Variants in SGO1 observed in about 807,000 individuals in gnomAD.
The protein encoded by SGO1 is serologically defined breast cancer antigen NY-BR-85.
SGO1 carries 39 observed loss-of-function variants against 50.5 expected under a neutral mutation model. The observed-to-expected ratio is 0.77, with a 90% CI of 0.60 to 1.01. The LOEUF (loss-of-function observed/expected upper bound fraction) is 1.01. Among genes scored for constraint, SGO1 ranks in the 50% least tolerant of loss-of-function variants. The pLI is 0.00. For synonymous variants in SGO1, 191 were observed against 205.1 expected, an observed-to-expected ratio of 0.93 and a Z score of 0.59; for missense variants, 638 against 606.0, an observed-to-expected ratio of 1.05 and a Z score of -0.55.
upstream of SGO1, chr3:20,186,247 C>A (rs1021199339): frequency 6.6e-6 from 1 of 152,284 alleles, no homozygotes; most frequent in Non-Finnish European, 1.5e-5. Flanking sequence ...GGCTGGGAGG[C>A]GGTCACGTGG....
intron 3 of SGO1, among the ~76,000 whole-genome samples, chr3:20,178,574 T>C (rs1701656499): frequency 6.6e-6 from 1 of 152,162 alleles, no homozygotes; most frequent in Admixed American, 6.5e-5. Context: ...GTACAAAATT[T>C]CAGATTGCGA....
chr3:20,170,752 C>T lies in SGO1; in HGVS notation c.1536G>A (p.Gln512=), dbSNP rs200039832. ...TTTTAGAACGTCTCAAATCCTTTTT[C>T]TGCTTGAAAATAGGAGAATTCAAAA... The part of the protein sequence containing the change: ...LCFLNSPIFK[Q]KKDLRRSKKS... Residue 512 remains glutamine, a synonymous_variant, in exon 8 of 8, where the codon CAG becomes CAA. Transcript: ENST00000412997. The T allele has an allele frequency of 3.5e-5, 56 of 1,592,848 alleles. No homozygotes were observed. The highest frequency in any genetic ancestry group is 4.5e-5 in the Non-Finnish European group (53 of 1,175,056).
intron 3 of SGO1, among the ~76,000 whole-genome samples, chr3:20,182,809 G>C (rs1365310097): frequency 1.3e-5 from 2 of 152,112 alleles, no homozygotes; most frequent in African/African-American, 4.8e-5. Context: ...ACGAGGTCAG[G>C]AGATCGAGAC....
intron 1 of SGO1, among the ~76,000 whole-genome samples, 152 bp downstream of exon 1, chr3:20,185,796 G>A (rs1028047448): frequency 6.6e-6 from 1 of 152,214 alleles, no homozygotes; most frequent in South Asian, 2.1e-4. Context: ...CTCCATGGAA[G>A]CCGGAACATC....
chr3:20,168,643 TG>T (rs1206879611), downstream of SGO1, among the ~76,000 whole-genome samples: 1 of 149,254 alleles, frequency 6.7e-6, no homozygotes, highest in Non-Finnish European at 1.5e-5. Context: ...ACTGAGAAAC[TG>T]TTTTTTTTTT....
rs1348635421 is a variant in SGO1 at position 20,174,394 on chromosome 3, A to C, written c.1137T>G (p.Asp379Glu). 3 of 1,614,182 alleles carry C rather than the reference A, an allele frequency of 1.9e-6. No individual in the cohort carries two copies. The highest frequency in any genetic ancestry group is 2.5e-6 in the Non-Finnish European group (3 of 1,180,034). ...CESSGSGDDS[D>E]DLYLPTCKYI... Reference sequence around the variant, plus strand: ...ACTTGCAAGTGGGCAAATAGAGGTCATCGGAATCATCTCCTGAACCACTTG... The same window carrying C: ...ACTTGCAAGTGGGCAAATAGAGGTCCTCGGAATCATCTCCTGAACCACTTG... Residue 379 changes from aspartate to glutamate, a missense_variant, in exon 6 of 8, where the codon GAT (aspartate) becomes GAG (glutamate). Physicochemically the swap from Asp to Glu is conservative, Grantham distance 45 (BLOSUM62 2). Transcript: ENST00000412997.
In SGO1 at chr3:20,184,690, TA is replaced by T. The variant is rs1702423787; in HGVS notation, c.-7-657del. Among the ~76,000 whole-genome samples the T allele has an allele frequency of 2.0e-5, 3 of 152,318 alleles. No homozygotes were observed. In the South Asian group the frequency reaches 6.2e-4, roughly 32 times the overall value. On this transcript the variant is annotated intron_variant, in intron 1 of 7. Coordinates refer to ENST00000412997, the MANE Select transcript of SGO1 (RefSeq NM_001199251.3). Reference sequence around the variant, plus strand: ...GAACTTGGGCAGAGGAACACTCTAGTATTCTCAAACTGTGGCTAAAAGTTAG... The same window carrying T: ...GAACTTGGGCAGAGGAACACTCTAGTTTCTCAAACTGTGGCTAAAAGTTAG...
chr3:20,166,365 G>A (rs977174289), downstream of SGO1, among the ~76,000 whole-genome samples: 10 of 152,118 alleles, frequency 6.6e-5, no homozygotes, highest in African/African-American at 2.4e-4. Context: ...GATGGATAAA[G>A]AAAATATGTA....
chr3:20,184,594 T>C (rs989129447), intron 1 of SGO1, among the ~76,000 whole-genome samples: 7 of 152,174 alleles, frequency 4.6e-5, no homozygotes, highest in Non-Finnish European at 4.4e-5. Context: ...AGGTACTCCT[T>C]AGAGGTTTAA....
chr3:20,175,320 A>G (rs1427631675), intron 5 of SGO1, among the ~76,000 whole-genome samples: 1 of 152,168 alleles, frequency 6.6e-6, no homozygotes, highest in African/African-American at 2.4e-5. Context: ...TGAAATCCAA[A>G]ACTTTTTTAG....
chr3:20,165,889 T>C (rs1012579457), downstream of SGO1, among the ~76,000 whole-genome samples: 2 of 152,012 alleles, frequency 1.3e-5, no homozygotes, highest in African/African-American at 4.8e-5. Context: ...CCGACTCTAC[T>C]AATAATACAA....
At chr3:20,181,952 G>A (rs779154968) in intron 3 of SGO1, among the ~76,000 whole-genome samples, 3 of 151,538 alleles carry the variant, frequency 2.0e-5, no homozygotes, top group Non-Finnish European at 4.4e-5. Flanking sequence ...GTGTGGTGGC[G>A]CATGCCTGTA....
At chr3:20,161,134 T>G (rs770256032) in exon 9 of SGO1, 1 of 1,613,890 alleles carries the variant, frequency 6.2e-7, no homozygotes, top group Non-Finnish European at 8.5e-7. Flanking sequence ...GTTTCAAGTT[T>G]ACATTTCCTA....
chr3:20,171,920 T>C lies in SGO1; in HGVS notation c.1283-688A>G, dbSNP rs116677263. ...TATTGGGAGGCAAATGTCCAACACA[T>C]AGTAAAGACACTGCAAAACAATCTC... On this transcript the variant is annotated intron_variant, in intron 6 of 7. Transcript: ENST00000412997. Among the ~76,000 whole-genome samples, 1,147 of 152,298 alleles carry C rather than the reference T, an allele frequency of 7.5e-3. 10 individuals carry two copies. Among genetic ancestry groups the C allele is most frequent in the African/African-American group, 0.021 (869 of 41,558 alleles).
downstream of SGO1, among the ~76,000 whole-genome samples, chr3:20,167,297 C>G (rs1220144074): frequency 6.6e-6 from 1 of 151,948 alleles, no homozygotes; most frequent in East Asian, 1.9e-4. Context: ...AAGTGAAAAA[C>G]AAAAATGTAC....
chr3:20,183,512 G>T, intron 3 of SGO1, 96 bp downstream of exon 3: 1 of 1,002,282 alleles, frequency 1.0e-6, no homozygotes, highest in African/African-American at 1.6e-5. Flanking sequence ...ATGCATAACT[G>T]AGCTATCAGT....
intron 3 of SGO1, among the ~76,000 whole-genome samples, chr3:20,180,502 A>C (rs2125359105): frequency 6.6e-6 from 1 of 152,294 alleles, no homozygotes; most frequent in East Asian, 1.9e-4. Flanking sequence ...AGAGGGGGAT[A>C]TATAGAAGAG....
At chr3:20,169,421 G>C (rs913355443), downstream of SGO1, 1 of 984,628 alleles carries the variant, frequency 1.0e-6, no homozygotes, top group Non-Finnish European at 1.2e-6. Flanking sequence ...CCAAGGATGA[G>C]AATAGTGAAG....
At chr3:20,172,784 A>G (rs13092205) in intron 6 of SGO1, among the ~76,000 whole-genome samples, 5 of 136,508 alleles carry the variant, frequency 3.7e-5, no homozygotes, top group Admixed American at 3.1e-4. Flanking sequence ...CCTCATCTTC[A>G]CAAAAAGTAA....
Sources: allele counts gnomAD v4.1 joint callset (sites outside exome capture counted in the v4.1 genomes callset), GRCh38; gene constraint gnomAD v4.1.1; transcripts MANE v1.5; gene names NCBI Gene and HGNC (gene_info 2026-07-23, HGNC 2026-07-21).